Variants in LRRCC1 observed in about 807,000 individuals in gnomAD.
The protein encoded by LRRCC1 is leucine rich repeat and coiled-coil centrosomal protein 1.
A neutral mutation model predicts 126.0 loss-of-function variants in LRRCC1; 115 were observed. The ratio of observed to expected loss-of-function variants is 0.91; its 90% CI spans 0.78 to 1.07. The LOEUF is 1.07. LRRCC1 is among the 50% of genes least tolerant of loss of function. LRRCC1 has a pLI of 0.00. For synonymous variants in LRRCC1, 400 were observed against 393.4 expected (o/e 1.02, Z -0.20); for missense variants, 1,172 against 1,175.7 (o/e 1.00, Z 0.05).
intron 6 of LRRCC1, 53 bp from the exon 7 acceptor site, chr8:85,123,359 CA>C (rs909662524): frequency 8.6e-7 from 1 of 1,163,626 alleles, no homozygotes; most frequent in African/African-American, 1.6e-5. Flanking sequence ...TTTCCAATTT[CA>C]ATCTTTTTTA....
rs1260994196 is a variant in LRRCC1, at chr8:85,113,000, A to T, written c.445A>T (p.Ser149Cys). The change falls in exon 4 of 19, where the codon AGT becomes TGT. Residue 149 changes from serine to cysteine, a missense_variant. Coordinates refer to ENST00000360375, the MANE Select transcript of LRRCC1 (RefSeq NM_033402.5). ...YIDLHSNRID[S>C]IHHLLQCMVG... ...TGATCTACATAGTAATCGTATAGAT[A>T]GTATCCATCACTTACTTCAGTGTAT... is the stretch of plus-strand genomic sequence containing the variant. The T allele has an allele frequency of 6.2e-7, 1 of 1,603,418 alleles. No individual in the cohort carries two copies. Among genetic ancestry groups the T allele is most frequent in the Non-Finnish European group, 8.5e-7 (1 of 1,171,300 alleles).
intron 12 of LRRCC1, among the ~76,000 whole-genome samples, chr8:85,134,574 C>T (rs906504433): frequency 6.6e-6 from 1 of 152,168 alleles, no homozygotes; most frequent in East Asian, 1.9e-4. Context: ...CCCTCCTTGG[C>T]CTCCCAAAGT....
rs73688670 is a variant in LRRCC1, at chr8:85,110,309, G to A, written c.376+129G>A. The A allele has an allele frequency of 3.8e-3, 1,657 of 431,068 alleles. 27 individuals are homozygous for A. The highest frequency in any genetic ancestry group is 0.031 in the African/African-American group (1,526 of 49,678). The allele number at this position is 431,068 out of a possible 1,614,324, so 26.7% of individuals were successfully genotyped here. On this transcript the variant is annotated intron_variant, in intron 3 of 18. Transcript: ENST00000360375. ...TTTTTAGCCAAAGAGCTCATCTAGAGAGCGTATTCCAGTCATGATTCTATT... is the reference window on the plus strand; with the variant it reads ...TTTTTAGCCAAAGAGCTCATCTAGAAAGCGTATTCCAGTCATGATTCTATT...
chr8:85,113,531 A>G lies in LRRCC1; in HGVS notation c.544+432A>G, dbSNP rs76866949. ...GTGAAAAGGGTAACACACATACACA[A>G]ACATTTACGTACATACATATATATG... On this transcript the variant is annotated intron_variant, in intron 4 of 18. Coordinates refer to ENST00000360375, the MANE Select transcript of LRRCC1 (RefSeq NM_033402.5). 1.4e-3 allele frequency among the ~76,000 whole-genome samples: 213 copies of G among 152,164 alleles called. 1 individual carries two copies. The East Asian group carries it at 0.028, about 20-fold the overall frequency.
chr8:85,113,073 A>T lies in LRRCC1; in HGVS notation c.518A>T (p.Asp173Val). Residue 173 changes from aspartate to valine, a missense_variant, in exon 4 of 19, where the codon GAC becomes GTC. Asp to Val is a radical substitution (Grantham distance 152). Transcript: ENST00000360375. ...AATCTTATTTTGGAGAAAGATGGAG[A>T]CGATAATCCTGTCTGTCGACTGCCA... is the stretch of plus-strand genomic sequence containing the variant. Reference protein sequence around the residue: ...LTNLILEKDGDDNPVCRLPGY... With the variant: ...LTNLILEKDGVDNPVCRLPGY... 6.2e-7 allele frequency: 1 copy of T among 1,610,894 alleles called. No individual in the cohort carries two copies. The highest frequency in any genetic ancestry group is 8.5e-7 in the Non-Finnish European group (1 of 1,178,952).
At chr8:85,128,005 T>A (rs1414331659) in intron 9 of LRRCC1, among the ~76,000 whole-genome samples, 3 of 152,192 alleles carry the variant, frequency 2.0e-5, no homozygotes, top group African/African-American at 7.2e-5. Context: ...TTTATAGAGA[T>A]CTTGTGACTG....
At chr8:85,121,421 T>G (rs55654684) in intron 6 of LRRCC1, among the ~76,000 whole-genome samples, 11,249 of 152,014 alleles carry the variant, frequency 0.074, 647 homozygotes, top group African/African-American at 0.16. Flanking sequence ...TTTTGTTTTG[T>G]TTTTTGTTTT....
chr8:85,127,955 T>C (rs568778845), intron 9 of LRRCC1, among the ~76,000 whole-genome samples: 12 of 152,328 alleles, frequency 7.9e-5, no homozygotes, highest in African/African-American at 2.9e-4. Context: ...ACTCCTGCTT[T>C]CAGTAAGTGC....
Position 85,124,886 on chromosome 8 carries a change from A to C in LRRCC1, c.1219A>C (p.Lys407Gln), listed in dbSNP as rs1418582106. The C allele has an allele frequency of 8.7e-6, 14 of 1,609,072 alleles. No individual in the cohort carries two copies. The highest frequency in any genetic ancestry group is 2.7e-5 in the African/African-American group (2 of 74,758). ...CPMLQESEKP[K>Q]TEIIKVDQSH... is the part of the protein sequence containing the mutation. ...TATGTTACAAGAATCAGAAAAGCCA[A>C]AGACTGAAATAATTAAAGTAGACCA... The change falls in exon 8 of 19, where the codon AAG becomes CAG. Residue 407 changes from lysine to glutamine, a missense_variant. Transcript: ENST00000360375.
Position 85,137,995 on chromosome 8 carries a change from T to C in LRRCC1, c.2494-40T>C, listed in dbSNP as rs772701239. The C allele has an allele frequency of 3.0e-6, 3 of 1,010,716 alleles. No homozygotes were observed. In the African/African-American group the frequency reaches 4.9e-5, roughly 17 times the overall value. 62.6% of individuals were successfully genotyped at this position (1,010,716 alleles called of 1,614,324 possible). The stretch of plus-strand genomic sequence containing the variant: ...CTAATTAACCAGAATATGAAGCATT[T>C]AAAGTTAATAAAAACAAAGTGCCAA... On this transcript the variant is annotated intron_variant, in intron 15 of 18. Transcript: ENST00000360375.
chr8:85,112,739 A>G (rs536867634), intron 3 of LRRCC1, among the ~76,000 whole-genome samples, 193 bp from the exon 4 acceptor site: 3 of 152,348 alleles, frequency 2.0e-5, no homozygotes, highest in Non-Finnish European at 4.4e-5. Flanking sequence ...AGCCTCAAAG[A>G]AATGTTAAAC....
rs569434437 is a variant in LRRCC1 at position 85,109,794 on chromosome 8, G to A, written c.304G>A (p.Val102Ile). ...LNLSCNLITK[V>I]EGLEELINLT... ...TTTGTCCTGCAATTTGATTACAAAA[G>A]TAGAAGGTTTGTAAGTGATTTTCAT... Residue 102 changes from valine (V) to isoleucine (I), a missense_variant, in exon 2 of 19, where the codon GTA (valine) becomes ATA (isoleucine). Physicochemically the swap from Val to Ile is conservative, Grantham distance 29. Coordinates refer to ENST00000360375, the MANE Select transcript of LRRCC1 (RefSeq NM_033402.5). 112 of 1,542,226 alleles carry A rather than the reference G, an allele frequency of 7.3e-5. 1 individual carries two copies. The highest frequency in any genetic ancestry group is 5.5e-4 in the South Asian group (46 of 84,132).
rs974761773 is a variant in LRRCC1 at position 85,113,014 on chromosome 8, A to T, written c.459A>T (p.Leu153Phe). Residue 153 changes from leucine (L) to phenylalanine (F), a missense_variant, in exon 4 of 19, where the codon TTA becomes TTT. Physicochemically the swap from Leu to Phe is conservative, Grantham distance 22 (BLOSUM62 0). Transcript: ENST00000360375. ...ATCGTATAGATAGTATCCATCACTT[A>T]CTTCAGTGTATGGTAGGATTGCACT... The part of the protein sequence containing the change: ...HSNRIDSIHH[L>F]LQCMVGLHFL... 1.2e-6 allele frequency: 2 copies of T among 1,605,828 alleles called. 1 individual carries two copies. Among genetic ancestry groups the T allele is most frequent in the Admixed American group, 3.3e-5 (2 of 59,826 alleles).
rs71273921 is a variant in LRRCC1, at chr8:85,125,670, C to CA, written c.1272+750dup. On this transcript the variant is annotated intron_variant, in intron 8 of 18. Transcript: ENST00000360375. ...CCTGGGCGACAGAGCGAGACTCCGT[C>CA]AAAAAAAAAAAAAAAAAAAGAGGTG... Among the ~76,000 whole-genome samples, 272 of 51,898 alleles carry CA rather than the reference C, an allele frequency of 5.2e-3. 12 individuals are homozygous for CA. Among genetic ancestry groups the CA allele is most frequent in the African/African-American group, 0.019 (209 of 10,726 alleles). The allele number at this position is 51,898 out of a possible 152,430, so 34.0% of individuals were successfully genotyped here.
At chr8:85,120,737 A>C (rs1173682918) in intron 6 of LRRCC1, among the ~76,000 whole-genome samples, 2 of 152,194 alleles carry the variant, frequency 1.3e-5, no homozygotes, top group African/African-American at 2.4e-5. Context: ...TCTTTCACTT[A>C]GCATAATATT....
chr8:85,127,907 C>G (rs1317081254), intron 9 of LRRCC1, among the ~76,000 whole-genome samples: 1 of 152,182 alleles, frequency 6.6e-6, no homozygotes, highest in Non-Finnish European at 1.5e-5. Flanking sequence ...AACAGGATGT[C>G]TCAATTAAGA....
Position 85,110,143 on chromosome 8 carries a change from A to G in LRRCC1, c.339A>G (p.Arg113=). ...TTGAAGAACTAATTAATCTGACTAG[A>G]CTAAATGTATCTTATAACCACATAG... ...EGLEELINLT[R]LNVSYNHIDD... is the part of the protein sequence containing the mutation. The change falls in exon 3 of 19, where the codon AGA becomes AGG. Residue 113 remains arginine (R), a synonymous_variant. Coordinates refer to ENST00000360375, the MANE Select transcript of LRRCC1 (RefSeq NM_033402.5). 7.5e-7 allele frequency: 1 copy of G among 1,332,948 alleles called. No homozygotes were observed. Among genetic ancestry groups the G allele is most frequent in the Non-Finnish European group, 1.0e-6 (1 of 964,200 alleles). The allele number at this position is 1,332,948 out of a possible 1,614,324, so 82.6% of individuals were successfully genotyped here.
At chr8:85,107,805 G>A (rs758572250) in intron 1 of LRRCC1, 47 of 157,414 alleles carry the variant, frequency 3.0e-4, no homozygotes, top group African/African-American at 9.8e-4. Flanking sequence ...AAAACCTGCA[G>A]GATAGTATCT....
rs1253976427 is a variant in LRRCC1 at position 85,138,199 on chromosome 8, G to A, written c.2658G>A (p.Leu886=). ...GAAAAGAAAAACTAAAACAACAGTTGAAAGGAAAGGAAGTAGAACTTGAAG... is the reference window on the plus strand; with the variant it reads ...GAAAAGAAAAACTAAAACAACAGTTAAAAGGAAAGGAAGTAGAACTTGAAG... ...NERKEKLKQQ[L]KGKEVELEEI... The change falls in exon 16 of 19, where the codon TTG becomes TTA. Residue 886 remains leucine (L), a synonymous_variant. Transcript: ENST00000360375. 1 of 1,611,874 alleles carries A rather than the reference G, an allele frequency of 6.2e-7. No homozygotes were observed. Among genetic ancestry groups the A allele is most frequent in the Non-Finnish European group, 8.5e-7 (1 of 1,179,068 alleles).
Sources: gnomAD v4.1 joint callset for allele counts (sites outside exome capture counted in the v4.1 genomes callset) on GRCh38, gnomAD v4.1.1 for gene constraint, MANE v1.5 for transcripts, NCBI Gene and HGNC (gene_info 2026-07-23, HGNC 2026-07-21) for gene names.